The following TLK2 variants were observed in gnomAD, a reference collection of about 807,000 sequenced individuals.
The protein encoded by TLK2 is tousled like kinase 2.
In TLK2, 6 loss-of-function variants were observed where a neutral mutation model predicts 117.3. The observed-to-expected ratio is 0.05, with a 90% CI of 0.03 to 0.10. The LOEUF is 0.10. TLK2 is among the 10% of genes least tolerant of loss of function. The pLI is 1.00. For missense variants in TLK2, 299 were observed against 901.2 expected (o/e 0.33, Z 8.56); for synonymous variants, 257 against 316.7 (o/e 0.81, Z 2.00).
intron 2 of TLK2, among the ~76,000 whole-genome samples, chr17:62,489,751 T>C (rs1299511018): frequency 1.3e-5 from 2 of 152,234 alleles, no homozygotes; most frequent in Non-Finnish European, 2.9e-5. Context: ...TTTGCATTAT[T>C]AGTGTCTTTG....
At chr17:62,609,403 T>C (rs898389448) in intron 21 of TLK2, among the ~76,000 whole-genome samples, 3 of 152,218 alleles carry the variant, frequency 2.0e-5, no homozygotes, top group African/African-American at 4.8e-5. Context: ...CTAATCTCTT[T>C]CTTCGGTGTT....
chr17:62,601,469 T>C (rs1429706839), intron 18 of TLK2, among the ~76,000 whole-genome samples: 1 of 152,242 alleles, frequency 6.6e-6, no homozygotes, highest in Non-Finnish European at 1.5e-5. Flanking sequence ...TAGGTGCATA[T>C]TGCGTCTCAT....
intron 11 of TLK2, among the ~76,000 whole-genome samples, chr17:62,568,860 T>TA (rs2080026076): frequency 6.6e-6 from 1 of 152,126 alleles, no homozygotes. Flanking sequence ...GTATCCGTTT[T>TA]AAAGCAATTT....
intron 11 of TLK2, among the ~76,000 whole-genome samples, chr17:62,569,973 A>C (rs946341620): frequency 6.6e-5 from 10 of 152,114 alleles, no homozygotes; most frequent in Non-Finnish European, 1.5e-4. Context: ...CCTCTTCAGC[A>C]GTGTGGCAGC....
intron 6 of TLK2, among the ~76,000 whole-genome samples, chr17:62,527,340 T>C (rs1598392069): frequency 6.6e-6 from 1 of 152,274 alleles, no homozygotes. Flanking sequence ...TTAAATTTTT[T>C]TGTTGATTCA....
intron 7 of TLK2, among the ~76,000 whole-genome samples, chr17:62,548,194 C>T (rs2078092566): frequency 6.7e-6 from 1 of 149,256 alleles, no homozygotes; most frequent in South Asian, 2.1e-4. Context: ...CCTACTTCCT[C>T]AGTTTACTTT....
At chr17:62,481,735 C>T (rs1327047317) in intron 2 of TLK2, among the ~76,000 whole-genome samples, 3 of 152,094 alleles carry the variant, frequency 2.0e-5, no homozygotes, top group Non-Finnish European at 4.4e-5. Flanking sequence ...CCCCCATTAA[C>T]GGGCACGTAT....
At chr17:62,548,248 G>A (rs1450486122) in intron 7 of TLK2, among the ~76,000 whole-genome samples, 10 of 146,100 alleles carry the variant, frequency 6.8e-5, no homozygotes, top group African/African-American at 2.3e-4. Context: ...ATATGTGTGT[G>A]TGTGTGTGTG....
chr17:62,578,610 C>T (rs781140797), intron 14 of TLK2, 36 bp downstream of exon 14: 2 of 1,496,474 alleles, frequency 1.3e-6, no homozygotes, highest in Non-Finnish European at 1.9e-6. Flanking sequence ...TTGGAGATTG[C>T]TAAGCATTTT....
intron 2 of TLK2, among the ~76,000 whole-genome samples, chr17:62,506,918 A>C (rs2074741719): frequency 6.6e-6 from 1 of 152,170 alleles, no homozygotes; most frequent in Non-Finnish European, 1.5e-5. Flanking sequence ...TTTAATGAGT[A>C]ATTTTCAGTT....
chr17:62,530,651 C>G (rs371169203), intron 6 of TLK2, among the ~76,000 whole-genome samples: 39 of 152,178 alleles, frequency 2.6e-4, no homozygotes, highest in Middle Eastern at 3.4e-3. Context: ...TATTACTGTT[C>G]AGTGCTATCA....
intron 2 of TLK2, among the ~76,000 whole-genome samples, chr17:62,505,243 A>G (rs2074571587): frequency 6.6e-6 from 1 of 151,972 alleles, no homozygotes; most frequent in South Asian, 2.1e-4. Flanking sequence ...TTTATTTCTT[A>G]TTTTAAAATT....
chr17:62,513,417 C>T (rs1314353349), intron 2 of TLK2, among the ~76,000 whole-genome samples: 1 of 149,208 alleles, frequency 6.7e-6, no homozygotes, highest in Non-Finnish European at 1.5e-5. Flanking sequence ...TGCACTCGCA[C>T]TCCTGAGCTC....
intron 7 of TLK2, among the ~76,000 whole-genome samples, chr17:62,551,415 G>A (rs2146187476): frequency 6.6e-6 from 1 of 152,184 alleles, no homozygotes; most frequent in Non-Finnish European, 1.5e-5. Flanking sequence ...GTTTTAAAAA[G>A]TACTGTTAGG....
Position 62,500,645 on chromosome 17 carries a change from G to A in TLK2, c.81+19439G>A, listed in dbSNP as rs897049383. ...GGACTATACTTAATTGACATTTATAGAACACTCTGCCCACATTCTTTTCAA... is the reference window on the plus strand; with the variant it reads ...GGACTATACTTAATTGACATTTATAAAACACTCTGCCCACATTCTTTTCAA... On this transcript the variant is annotated intron_variant, in intron 2 of 21. Transcript: ENST00000346027. Among the ~76,000 whole-genome samples the A allele has an allele frequency of 3.9e-5, 6 of 152,168 alleles. No homozygotes were observed. The East Asian group carries it at 1.2e-3, about 29-fold the overall frequency.
intron 15 of TLK2, among the ~76,000 whole-genome samples, chr17:62,580,951 A>G (rs1180078299): frequency 6.6e-6 from 1 of 152,220 alleles, no homozygotes; most frequent in Non-Finnish European, 1.5e-5. Context: ...TTCATTGCAA[A>G]TAAAAACGGT....
intron 2 of TLK2, among the ~76,000 whole-genome samples, chr17:62,490,031 T>C (rs1216423782): frequency 2.0e-5 from 3 of 152,222 alleles, no homozygotes; most frequent in Non-Finnish European, 4.4e-5. Context: ...GGTTTCACCA[T>C]GTTGGCCAGG....
chr17:62,505,279 T>C (rs2074574988), intron 2 of TLK2, among the ~76,000 whole-genome samples: 1 of 152,164 alleles, frequency 6.6e-6, no homozygotes, highest in Non-Finnish European at 1.5e-5. Context: ...GATCTTACTC[T>C]GTTGCCCAGA....
intron 2 of TLK2, among the ~76,000 whole-genome samples, chr17:62,506,661 G>A (rs1398035235): frequency 1.3e-5 from 2 of 151,848 alleles, no homozygotes; most frequent in Non-Finnish European, 2.9e-5. Flanking sequence ...TTATATTTTT[G>A]TTCTCATTTT....
Sources: allele counts gnomAD v4.1 joint callset (sites outside exome capture counted in the v4.1 genomes callset), GRCh38; gene constraint gnomAD v4.1.1; transcripts MANE v1.5; gene names NCBI Gene and HGNC (gene_info 2026-07-23, HGNC 2026-07-21).